Variants in ZNF517 observed in about 807,000 individuals in gnomAD.
ZNF517 encodes the protein zinc finger protein 517.
ZNF517 carries 12 observed loss-of-function variants against 12.1 expected under a neutral mutation model. The observed-to-expected ratio is 0.99, with a 90% CI of 0.63 to 1.61. The LOEUF is 1.61. Ranked by LOEUF, ZNF517 falls within the 40% of genes most tolerant of loss-of-function variation. ZNF517 has a pLI of 0.00. For missense variants in ZNF517, 781 were observed against 693.2 expected (o/e 1.13, Z -1.42); for synonymous variants, 388 against 310.2 (o/e 1.25, Z -2.63).
chr8:144,804,816 C>T (rs1167005841), intron 4 of ZNF517, among the ~76,000 whole-genome samples: 2 of 152,202 alleles, frequency 1.3e-5, no homozygotes, highest in Non-Finnish European at 1.5e-5. Context: ...GAGAGAGAGA[C>T]AGGACAGCTT....
At position 144,802,851 on chromosome 8, in the gene ZNF517, T is replaced by C. The variant is rs1185639287; in HGVS notation, c.-45-19T>C. ...CTTAGGCCTGGGCTCTTTCCACTCA[T>C]GGCTCTATGTTCCCTCAGAATTCAC... On this transcript the variant is annotated intron_variant, in intron 1 of 4. Coordinates refer to ENST00000359971, the MANE Select transcript of ZNF517 (RefSeq NM_213605.3). 5.0e-6 allele frequency: 8 copies of C among 1,612,954 alleles called. No homozygotes were observed. The highest frequency in any genetic ancestry group is 1.6e-4 in the Middle Eastern group (1 of 6,080).
chr8:144,800,720 A>G (rs1826917272), intron 1 of ZNF517: 2 of 984,380 alleles, frequency 2.0e-6, no homozygotes, highest in Non-Finnish European at 2.4e-6. Flanking sequence ...GGGGTGATTC[A>G]CGAATCTGTC....
At chr8:144,811,603 G>T (rs11986315), downstream of ZNF517, among the ~76,000 whole-genome samples, 3 of 122,044 alleles carry the variant, frequency 2.5e-5, no homozygotes, top group Non-Finnish European at 5.2e-5. Flanking sequence ...GGAGAGACAC[G>T]GACAGTAAAG....
rs866177278 is a variant in ZNF517, at chr8:144,808,313, C to G, written c.1397C>G (p.Thr466Ser). ...ACGRACSRLS[T>S]LIQHQKVHGR... ...GGGAGGGCCTGCAGCCGGCTGTCCA[C>G]CCTCATCCAGCACCAGAAGGTGCAC... The change falls in exon 5 of 5, where the codon ACC (threonine) becomes AGC (serine). Residue 466 changes from threonine to serine, a missense_variant. Thr to Ser is a moderately conservative substitution (Grantham distance 58, BLOSUM62 1). Coordinates refer to ENST00000359971, the MANE Select transcript of ZNF517 (RefSeq NM_213605.3). The G allele has an allele frequency of 2.0e-6, 3 of 1,525,040 alleles. No homozygotes were observed. Among genetic ancestry groups the G allele is most frequent in the Non-Finnish European group, 8.8e-7 (1 of 1,133,266 alleles). The allele number at this position is 1,525,040 out of a possible 1,614,324, so 94.5% of individuals were successfully genotyped here.
chr8:144,810,185 G>A, downstream of ZNF517: 3 of 698,788 alleles, frequency 4.3e-6, no homozygotes, highest in South Asian at 1.5e-5. Context: ...AGAAGGGTGT[G>A]GCCGGAAGGG....
chr8:144,801,627 G>C (rs1826966695), intron 1 of ZNF517, among the ~76,000 whole-genome samples: 1 of 152,188 alleles, frequency 6.6e-6, no homozygotes, highest in South Asian at 2.1e-4. Flanking sequence ...ACAGGTGCCT[G>C]CCACCATGCC....
intron 4 of ZNF517, among the ~76,000 whole-genome samples, chr8:144,805,609 G>A (rs1407628488): frequency 1.3e-5 from 2 of 148,912 alleles, no homozygotes; most frequent in South Asian, 2.1e-4. Context: ...GATTACAGGC[G>A]TGAGCCACCG....
At chr8:144,810,117 A>G (rs1221305269), downstream of ZNF517, 2 of 679,948 alleles carry the variant, frequency 2.9e-6, no homozygotes, top group East Asian at 2.7e-5. Flanking sequence ...GGACCCTAAT[A>G]CACTGCCCAG....
At chr8:144,799,711 CG>C (rs1826852297) in intron 1 of ZNF517, among the ~76,000 whole-genome samples, 2 of 152,184 alleles carry the variant, frequency 1.3e-5, no homozygotes, top group African/African-American at 4.8e-5. Context: ...GAGGCCGAGG[CG>C]GGCGGATCAC....
At chr8:144,803,918 A>C in intron 3 of ZNF517, 151 bp downstream of exon 3, 3 of 1,245,068 alleles carry the variant, frequency 2.4e-6, no homozygotes, top group Non-Finnish European at 3.3e-6. Context: ...CCTGTTGGGC[A>C]CCCACTGCCA....
intron 2 of ZNF517, chr8:144,803,336 G>A (rs1302481605): frequency 3.8e-5 from 18 of 478,570 alleles, no homozygotes; most frequent in Non-Finnish European, 6.4e-5. Flanking sequence ...TCCCCACAGT[G>A]CAGGTGCTCC....
At chr8:144,802,793 G>T (rs1462083872) in intron 1 of ZNF517, 77 bp from the exon 2 acceptor site, 3 of 1,586,156 alleles carry the variant, frequency 1.9e-6, no homozygotes. Context: ...CTCCCTTCTG[G>T]ATCTGGAGGG....
rs1827426375 is a variant in ZNF517 at position 144,808,711 on chromosome 8, G to A, written c.*316G>A. The A allele has an allele frequency of 1.9e-5, 5 of 260,622 alleles. No homozygotes were observed. Among genetic ancestry groups the A allele is most frequent in the East Asian group, 1.4e-4 (2 of 14,136 alleles). The allele number at this position is 260,622 out of a possible 1,614,324, so 16.1% of individuals were successfully genotyped here. On this transcript the variant is annotated 3_prime_UTR_variant, in exon 5 of 5. Coordinates refer to ENST00000359971, the MANE Select transcript of ZNF517 (RefSeq NM_213605.3). ...CCCCAAAGAGCAGGGCACAGGGGGC[G>A]CCACAGACGCATATGCAGCTGAGCT...
chr8:144,808,085 A>G lies in ZNF517; in HGVS notation c.1169A>G (p.His390Arg). ...NSLLLLHLRL[H>R]TGEKPFECAE... ...CTGCTGCTGCTGCACCTGCGCCTAC[A>G]CACGGGCGAGAAGCCGTTCGAGTGC... is the stretch of plus-strand genomic sequence containing the variant. Residue 390 changes from histidine to arginine, a missense_variant, in exon 5 of 5, where the codon CAC becomes CGC. Coordinates refer to ENST00000359971, the MANE Select transcript of ZNF517 (RefSeq NM_213605.3). The G allele has an allele frequency of 6.2e-7, 1 of 1,611,326 alleles. No homozygotes were observed. Among genetic ancestry groups the G allele is most frequent in the Non-Finnish European group, 8.5e-7 (1 of 1,179,212 alleles).
chr8:144,800,799 A>G, intron 1 of ZNF517: 1 of 630,686 alleles, frequency 1.6e-6, no homozygotes, highest in Non-Finnish European at 2.0e-6. Context: ...GTCACTTCAT[A>G]GCATTGTGAC....
intron 3 of ZNF517, 107 bp downstream of exon 3, chr8:144,803,874 A>G: frequency 6.8e-7 from 1 of 1,470,380 alleles, no homozygotes; most frequent in Non-Finnish European, 9.2e-7. Context: ...TTTGAGGGGA[A>G]GCTGGAGGCT....
intron 1 of ZNF517, 142 bp from the exon 2 acceptor site, chr8:144,802,728 T>C (rs1006341212): frequency 7.3e-7 from 1 of 1,368,178 alleles, no homozygotes; most frequent in African/African-American, 1.5e-5. Context: ...ATACACCTCC[T>C]TGGGACGTGA....
downstream of ZNF517, chr8:144,810,287 C>T: frequency 3.4e-6 from 2 of 592,472 alleles, no homozygotes; most frequent in Non-Finnish European, 6.2e-6. Context: ...GATTGAGTTA[C>T]CTGCCCACTG....
In ZNF517 at chr8:144,809,649, C is replaced by G. The variant is rs1827479857; in HGVS notation, c.*1254C>G. ...CTGGCTTCCTTGGTTCAACCACCTT[C>G]TTACCTGGACTGAGCCTCACTTACA... On this transcript the variant is annotated 3_prime_UTR_variant, in exon 5 of 5. Transcript: ENST00000359971. 6.6e-6 allele frequency: 1 copy of G among 152,544 alleles called. No homozygotes were observed. The highest frequency in any genetic ancestry group is 6.5e-5 in the Admixed American group (1 of 15,288). The allele number at this position is 152,544 out of a possible 1,614,324, so 9.4% of individuals were successfully genotyped here.
Sources: allele counts gnomAD v4.1 joint callset (sites outside exome capture counted in the v4.1 genomes callset), GRCh38; gene constraint gnomAD v4.1.1; transcripts MANE v1.5; gene names NCBI Gene and HGNC (gene_info 2026-07-23, HGNC 2026-07-21).